Variants in TMEM130 observed in about 807,000 individuals in gnomAD.
TMEM130 encodes transmembrane protein 130.
In TMEM130, 37 loss-of-function variants were observed where a neutral mutation model predicts 42.9. The observed-to-expected ratio is 0.86, with a 90% confidence interval of 0.66 to 1.13. The LOEUF is 1.13. Ranked by LOEUF, TMEM130 falls within the 50% of genes most tolerant of loss-of-function variation. TMEM130 has a pLI of 0.00. For missense variants in TMEM130, 545 were observed against 562.6 expected (o/e 0.97, Z 0.32); for synonymous variants, 259 against 237.7 (o/e 1.09, Z -0.82).
Position 98,847,967 on chromosome 7 carries a change from C to A in TMEM130, c.*89G>T, listed in dbSNP as rs1400434883. ...AGGCCAACAGCCCCACGCAAATGAA[C>A]CCCTCCTGGTCAGTGGTGCACACCA... On this transcript the variant is annotated 3_prime_UTR_variant, in exon 8 of 8. Coordinates refer to ENST00000339375, the MANE Select transcript of TMEM130 (RefSeq NM_152913.3). 1.5e-6 allele frequency: 2 copies of A among 1,320,232 alleles called. No individual in the cohort carries two copies. Among genetic ancestry groups the A allele is most frequent in the African/African-American group, 2.9e-5 (2 of 68,574 alleles). The allele number at this position is 1,320,232 out of a possible 1,614,324, so 81.8% of individuals were successfully genotyped here.
In TMEM130 at chr7:98,850,982, C is replaced by T. The variant is rs1794487099; in HGVS notation, c.1006+439G>A. Among the ~76,000 whole-genome samples the T allele has an allele frequency of 2.0e-5, 3 of 151,998 alleles. No homozygotes were observed. The South Asian group carries it at 6.2e-4, about 32-fold the overall frequency. ...GCATTGGGGCAGGTGGTGGCATGGG[C>T]TTATAGATGTGGGTAGGGTCGGGGT... On this transcript the variant is annotated intron_variant, in intron 6 of 7. Coordinates refer to ENST00000339375, the MANE Select transcript of TMEM130 (RefSeq NM_152913.3).
intron 2 of TMEM130, among the ~76,000 whole-genome samples, chr7:98,862,491 T>C (rs913824512): frequency 5.9e-5 from 1 of 16,864 alleles, no homozygotes; most frequent in African/African-American, 7.3e-5. Context: ...TAATTTCTTT[T>C]TTTTTTTTTT....
At chr7:98,863,012 T>G in intron 2 of TMEM130, 83 bp downstream of exon 2, 2 of 1,452,014 alleles carry the variant, frequency 1.4e-6, no homozygotes, top group Non-Finnish European at 1.9e-6. Context: ...CTAATCTGCA[T>G]TGATCTGATT....
chr7:98,860,370 C>G, intron 2 of TMEM130, 32 bp from the exon 3 acceptor site: 3 of 1,553,798 alleles, frequency 1.9e-6, no homozygotes, highest in Non-Finnish European at 2.6e-6. Context: ...GAGGGTGAGT[C>G]TTGGAGATTC....
Position 98,848,629 on chromosome 7 carries a change from A to C in TMEM130, c.1073T>G (p.Met358Arg). 1 of 1,614,152 alleles carries C rather than the reference A, an allele frequency of 6.2e-7. No individual in the cohort carries two copies. Among genetic ancestry groups the C allele is most frequent in the African/African-American group, 1.3e-5 (1 of 75,052 alleles). The change falls in exon 7 of 8, where the codon ATG becomes AGG. Residue 358 changes from methionine (M) to arginine (R), a missense_variant. Met to Arg is a moderately conservative substitution (Grantham distance 91). Transcript: ENST00000339375. ...AGTGGCATTCCGCAGGGTCATGTAC[A>C]TGATGAAGGCCAACATCACAGTGAT... ...TLITVMLAFI[M>R]YMTLRNATQQ...
chr7:98,865,541 G>A (rs1035814893), intron 1 of TMEM130, among the ~76,000 whole-genome samples: 6 of 152,164 alleles, frequency 3.9e-5, no homozygotes, highest in Admixed American at 3.9e-4. Context: ...CCGGAAGGCA[G>A]AGGTTGCAGT....
At chr7:98,863,746 T>C (rs1554400227) in intron 1 of TMEM130, among the ~76,000 whole-genome samples, 2 of 150,054 alleles carry the variant, frequency 1.3e-5, no homozygotes, top group Non-Finnish European at 3.0e-5. Flanking sequence ...CCTTTCTCTT[T>C]TCTTTTCTCT....
At chr7:98,863,741 CTCTTT>C (rs1332673923) in intron 1 of TMEM130, among the ~76,000 whole-genome samples, 5 of 147,388 alleles carry the variant, frequency 3.4e-5, no homozygotes, top group East Asian at 2.0e-4. Context: ...TCCTTCCTTT[CTCTTT>C]TCTTTTCTCT....
Position 98,847,945 on chromosome 7 carries a change from CCAACAG to C in TMEM130, c.*105_*110del. ...TGTACAGATGGATGGATGATCCAGG[CCAACAG>C]CCCCACGCAAATGAACCCCTCCTGG... is the stretch of plus-strand genomic sequence containing the variant. On this transcript the variant is annotated 3_prime_UTR_variant, in exon 8 of 8. Transcript: ENST00000339375. 9.4e-7 allele frequency: 1 copy of C among 1,066,706 alleles called. No homozygotes were observed. The highest frequency in any genetic ancestry group is 1.4e-6 in the Non-Finnish European group (1 of 722,078). 66.1% of individuals were successfully genotyped at this position (1,066,706 alleles called of 1,614,324 possible).
In TMEM130 at chr7:98,860,501, A is replaced by G. The variant is rs139420232; in HGVS notation, c.392-163T>C. Among the ~76,000 whole-genome samples, 21 of 152,222 alleles carry G rather than the reference A, an allele frequency of 1.4e-4. No homozygotes were observed. In the East Asian group the frequency reaches 2.7e-3, roughly 20 times the overall value. On this transcript the variant is annotated intron_variant, in intron 2 of 7. Transcript: ENST00000339375. ...GGGGACACCCCCCTACAACTCCCCA[A>G]AGACCCCTGAACACAGAGGCATCTG... is the stretch of plus-strand genomic sequence containing the variant.
At position 98,848,579 on chromosome 7, in the gene TMEM130, C is replaced by T. The variant is rs370290151; in HGVS notation, c.1119+4G>A. The stretch of plus-strand genomic sequence containing the variant: ...GTCCAGCCCCCACCCCACTGAGTAC[C>T]CACCTCCACCATGTCCTTTTGCTGA... On this transcript the variant is annotated splice_donor_region_variant and intron_variant, in intron 7 of 7. Coordinates refer to ENST00000339375, the MANE Select transcript of TMEM130 (RefSeq NM_152913.3). 25 of 1,598,202 alleles carry T rather than the reference C, an allele frequency of 1.6e-5. No homozygotes were observed. In the African/African-American group the frequency reaches 3.0e-4, roughly 19 times the overall value.
At chr7:98,856,652 T>C (rs1794641779) in intron 3 of TMEM130, among the ~76,000 whole-genome samples, 1 of 152,018 alleles carries the variant, frequency 6.6e-6, no homozygotes, top group South Asian at 2.1e-4. Context: ...CGTGTACCAC[T>C]GTGCCAGGCT....
rs202062203 is a variant in TMEM130, at chr7:98,863,287, C to T, written c.199G>A (p.Ala67Thr). Residue 67 changes from alanine to threonine, a missense_variant, in exon 2 of 8, where the codon GCC becomes ACC. Coordinates refer to ENST00000339375, the MANE Select transcript of TMEM130 (RefSeq NM_152913.3). ...ATCCAGTGGAAGCGGTAGAGGTGGG[C>T]GTCAGCGGGCAGGGCCAGGCTGCCG... is the stretch of plus-strand genomic sequence containing the variant. ...DNGSLALPAD[A>T]HLYRFHWIHT... is the part of the protein sequence containing the mutation. 226 of 1,612,480 alleles carry T rather than the reference C, an allele frequency of 1.4e-4. No homozygotes were observed. Among genetic ancestry groups the T allele is most frequent in the Non-Finnish European group, 1.5e-4 (182 of 1,179,694 alleles).
In TMEM130 at chr7:98,848,699, G is replaced by A; in HGVS notation, c.1007-4C>T. 1 of 1,597,918 alleles carries A rather than the reference G, an allele frequency of 6.3e-7. No homozygotes were observed. The highest frequency in any genetic ancestry group is 8.6e-7 in the Non-Finnish European group (1 of 1,165,314). On this transcript the variant is annotated splice_region_variant and splice_polypyrimidine_tract_variant and intron_variant, in intron 6 of 7. Coordinates refer to ENST00000339375, the MANE Select transcript of TMEM130 (RefSeq NM_152913.3). ...GCAAAGACAGCCGGCTGGATTCCTG[G>A]GAATGAAAGAAGTAACATTACAGGA...
intron 3 of TMEM130, among the ~76,000 whole-genome samples, chr7:98,857,479 T>C (rs184163506): frequency 6.6e-6 from 1 of 152,156 alleles, no homozygotes; most frequent in African/African-American, 2.4e-5. Flanking sequence ...GTGGGAGGAC[T>C]GCTTGAGCCC....
Position 98,869,945 on chromosome 7 carries a change from G to C in TMEM130, c.-84C>G. On this transcript the variant is annotated 5_prime_UTR_variant, in exon 1 of 8. Coordinates refer to ENST00000339375, the MANE Select transcript of TMEM130 (RefSeq NM_152913.3). This position sits in a 1 kb window ranked among gnomAD's most constrained non-coding sequence, Gnocchi z 4.7. ...CGAGAACTGCGGCGGTCGCTCCTCC[G>C]GGCGCGCAGCGCGGGCGGTGCGGGG... 6 of 1,025,756 alleles carry C rather than the reference G, an allele frequency of 5.8e-6. No homozygotes were observed. The highest frequency in any genetic ancestry group is 1.7e-5 in the African/African-American group (1 of 59,966). 63.5% of individuals were successfully genotyped at this position (1,025,756 alleles called of 1,614,324 possible).
intron 6 of TMEM130, among the ~76,000 whole-genome samples, chr7:98,850,405 G>A (rs887332341): frequency 4.7e-5 from 7 of 150,386 alleles, no homozygotes; most frequent in Admixed American, 2.7e-4. Flanking sequence ...CACCTCCTGC[G>A]TAGCTGGGAT....
intron 1 of TMEM130, among the ~76,000 whole-genome samples, chr7:98,868,690 C>T (rs1051027651): frequency 2.6e-5 from 4 of 152,270 alleles, no homozygotes; most frequent in Non-Finnish European, 5.9e-5. Flanking sequence ...TGATTTTGAC[C>T]ACATCAAGGG....
chr7:98,854,010 G>C (rs1177843171), intron 5 of TMEM130, among the ~76,000 whole-genome samples: 1 of 151,156 alleles, frequency 6.6e-6, no homozygotes, highest in Non-Finnish European at 1.5e-5. Context: ...GGGCAGAACA[G>C]ATTTGCTTTT....
Sources: gnomAD v4.1 joint callset for allele counts (sites outside exome capture counted in the v4.1 genomes callset) on GRCh38, gnomAD v4.1.1 for gene constraint, Gnocchi (gnomAD v3.1) non-coding constraint, MANE v1.5 for transcripts, NCBI Gene and HGNC (gene_info 2026-07-23, HGNC 2026-07-21) for gene names.